CHRM3: variants seen among roughly 807,000 people sequenced by gnomAD.
The protein encoded by CHRM3 is muscarinic acetylcholine receptor M3.
CHRM3 carries 11 observed loss-of-function variants against 41.8 expected under a neutral mutation model. That is an observed-to-expected ratio of 0.26 (90% CI 0.17 to 0.44). The LOEUF is 0.44. Among genes scored for constraint, CHRM3 ranks in the 20% least tolerant of loss-of-function variants. The pLI is 1.00. For synonymous variants in CHRM3, 297 were observed against 301.4 expected, an observed-to-expected ratio of 0.99 and a Z score of 0.15; for missense variants, 571 against 745.4, an observed-to-expected ratio of 0.77 and a Z score of 2.72.
Position 239,909,544 on chromosome 1 carries a change from G to A in CHRM3, c.*320G>A. Reference sequence around the variant, plus strand: ...TTATATACCCAAAGTGATTTGCCTGGGTCCTTTAATTCCCATTAGCTTTGG... The same window carrying A: ...TTATATACCCAAAGTGATTTGCCTGAGTCCTTTAATTCCCATTAGCTTTGG... On this transcript the variant is annotated 3_prime_UTR_variant, in exon 7 of 7. Transcript: ENST00000676153. 1 of 235,474 alleles carries A rather than the reference G, an allele frequency of 4.2e-6. No homozygotes were observed. 14.6% of individuals were successfully genotyped at this position (235,474 alleles called of 1,614,324 possible). A position where few individuals can be genotyped will look rare whatever the true frequency, so the allele number is the denominator to read the frequency against.
Position 239,388,185 on chromosome 1 carries a change from G to A in CHRM3, c.-521+958G>A, listed in dbSNP as rs28395444. Among the ~76,000 whole-genome samples the A allele has an allele frequency of 4.8e-3, 722 of 151,586 alleles. 7 individuals are homozygous for A. Among genetic ancestry groups the A allele is most frequent in the African/African-American group, 0.017 (686 of 41,266 alleles). Reference sequence around the variant, plus strand: ...AATGCAAACCTTCATTTGTCTGCAAGTGTTACTGGAACCTGTCCAAAGGCT... The same window carrying A: ...AATGCAAACCTTCATTTGTCTGCAAATGTTACTGGAACCTGTCCAAAGGCT... On this transcript the variant is annotated intron_variant, in intron 1 of 6. Transcript: ENST00000676153.
chr1:239,832,659 T>C (rs1672988733), intron 6 of CHRM3, among the ~76,000 whole-genome samples: 1 of 151,918 alleles, frequency 6.6e-6, no homozygotes, highest in African/African-American at 2.4e-5. Context: ...GAGTAACGCA[T>C]TTCCGAGAGT....
At chr1:239,444,371 G>A (rs1236871583) in intron 1 of CHRM3, among the ~76,000 whole-genome samples, 2 of 152,120 alleles carry the variant, frequency 1.3e-5, no homozygotes, top group African/African-American at 4.8e-5. Flanking sequence ...CAATATAGTA[G>A]GAGAAGCAGA....
At chr1:239,493,867 G>A (rs901989907) in intron 2 of CHRM3, among the ~76,000 whole-genome samples, 9 of 152,230 alleles carry the variant, frequency 5.9e-5, no homozygotes, top group African/African-American at 2.2e-4. Flanking sequence ...CAAAATTGGG[G>A]CTTAGCCCAG....
At chr1:239,906,556 G>A (rs1190976334) in intron 6 of CHRM3, among the ~76,000 whole-genome samples, 1 of 152,106 alleles carries the variant, frequency 6.6e-6, no homozygotes, top group Non-Finnish European at 1.5e-5. Flanking sequence ...TCTAACTGTG[G>A]CACCTTAATT....
chr1:239,447,414 T>C (rs1664231836), intron 1 of CHRM3, among the ~76,000 whole-genome samples: 1 of 146,418 alleles, frequency 6.8e-6, no homozygotes, highest in Non-Finnish European at 1.6e-5. Flanking sequence ...AGAGAGAGAA[T>C]GGCAGGAGGG....
At chr1:239,858,577 CGTTT>C (rs1675316386) in intron 6 of CHRM3, among the ~76,000 whole-genome samples, 1 of 147,452 alleles carries the variant, frequency 6.8e-6, no homozygotes. Context: ...GGGTTTTTTG[CGTTT>C]GTTTGGTTTT....
intron 3 of CHRM3, among the ~76,000 whole-genome samples, chr1:239,569,787 C>T (rs1661667349): frequency 6.6e-6 from 1 of 152,068 alleles, no homozygotes; most frequent in African/African-American, 2.4e-5. Flanking sequence ...TGTCTCCTTG[C>T]AGTGGGGGAG....
chr1:239,409,286 T>C (rs2103033712), intron 1 of CHRM3, among the ~76,000 whole-genome samples: 1 of 152,252 alleles, frequency 6.6e-6, no homozygotes, highest in East Asian at 1.9e-4. Context: ...ATACAATACG[T>C]AATCTGGTTT....
At chr1:239,605,828 G>A (rs1558366160) in intron 3 of CHRM3, among the ~76,000 whole-genome samples, 1 of 152,092 alleles carries the variant, frequency 6.6e-6, no homozygotes, top group African/African-American at 2.4e-5. Flanking sequence ...TTTCATTCAG[G>A]CATTTATAAC....
At chr1:239,771,387 C>T (rs1667656933) in intron 5 of CHRM3, among the ~76,000 whole-genome samples, 1 of 152,126 alleles carries the variant, frequency 6.6e-6, no homozygotes, top group Non-Finnish European at 1.5e-5. Context: ...CCAGACTCCT[C>T]TCCACACTGC....
chr1:239,620,149 T>G (rs1668197323), intron 3 of CHRM3, among the ~76,000 whole-genome samples: 1 of 152,232 alleles, frequency 6.6e-6, no homozygotes, highest in South Asian at 2.1e-4. Context: ...GATCTGGATG[T>G]GTTTTTCCAT....
chr1:239,545,178 A>T (rs145732651), intron 2 of CHRM3, among the ~76,000 whole-genome samples: 2 of 152,216 alleles, frequency 1.3e-5, no homozygotes, highest in South Asian at 4.1e-4. Flanking sequence ...TGAGTCAGAC[A>T]TATTTACTGA....
At chr1:239,602,302 A>G (rs2148697068) in intron 3 of CHRM3, among the ~76,000 whole-genome samples, 1 of 152,040 alleles carries the variant, frequency 6.6e-6, no homozygotes, top group African/African-American at 2.4e-5. Flanking sequence ...GGACAATTTT[A>G]GGTATTGTTA....
chr1:239,453,978 T>C (rs186361637), intron 1 of CHRM3, among the ~76,000 whole-genome samples: 147 of 152,234 alleles, frequency 9.7e-4, no homozygotes, highest in Admixed American at 1.5e-3. Context: ...TGTATAATAG[T>C]AGGAAAAAAT....
chr1:239,633,275 A>G (rs926672041), intron 4 of CHRM3, among the ~76,000 whole-genome samples: 2 of 152,178 alleles, frequency 1.3e-5, no homozygotes, highest in African/African-American at 2.4e-5. Flanking sequence ...CCAGCTAGGC[A>G]TGACTTACAT....
chr1:239,606,836 T>C (rs6429143), intron 3 of CHRM3, among the ~76,000 whole-genome samples: 5,790 of 152,078 alleles, frequency 0.038, 371 homozygotes, highest in African/African-American at 0.13. Flanking sequence ...TTCTAAATGG[T>C]CTCTTCTGTG....
At chr1:239,840,647 G>A (rs1391711960) in intron 6 of CHRM3, among the ~76,000 whole-genome samples, 4 of 152,058 alleles carry the variant, frequency 2.6e-5, no homozygotes, top group African/African-American at 9.7e-5. Flanking sequence ...TTTATTCTGA[G>A]ATAAAGAGAA....
chr1:239,534,239 T>C (rs1004531868), intron 2 of CHRM3, among the ~76,000 whole-genome samples: 5 of 152,130 alleles, frequency 3.3e-5, no homozygotes, highest in African/African-American at 1.2e-4. Context: ...GGCACAAGAA[T>C]TGCTTGAACC....
Sources: allele counts gnomAD v4.1 joint callset (sites outside exome capture counted in the v4.1 genomes callset), GRCh38; gene constraint gnomAD v4.1.1; transcripts MANE v1.5; gene names NCBI Gene and HGNC (gene_info 2026-07-23, HGNC 2026-07-21).